CDK19: variants seen among roughly 807,000 people sequenced by gnomAD.
CDK19 encodes cyclin dependent kinase 19, also known as cyclin-dependent kinase 19.
In CDK19, 20 loss-of-function variants were observed where a neutral mutation model predicts 68.3. The ratio of observed to expected loss-of-function variants is 0.29; its 90% CI spans 0.21 to 0.43. The LOEUF (loss-of-function observed/expected upper bound fraction) is 0.43, where lower values mean the gene tolerates loss of function less well. Among genes scored for constraint, CDK19 ranks in the 20% least tolerant of loss-of-function variants. The probability of loss-of-function intolerance (pLI) is 1.00; values close to 1 mark genes in which losing one functional copy is unlikely to be tolerated. For missense variants in CDK19, 339 were observed against 623.5 expected (o/e 0.54, Z 4.86); for synonymous variants, 221 against 222.8 (o/e 0.99, Z 0.07).
At chr6:110,661,760 C>T (rs1415064298) in intron 4 of CDK19, among the ~76,000 whole-genome samples, 1 of 152,140 alleles carries the variant, frequency 6.6e-6, no homozygotes, top group African/African-American at 2.4e-5. Context: ...ATTTTAATAG[C>T]TGTTAATTAA....
At chr6:110,623,869 G>T (rs1364053615) in intron 8 of CDK19, among the ~76,000 whole-genome samples, 3 of 114,624 alleles carry the variant, frequency 2.6e-5, no homozygotes, top group African/African-American at 3.6e-5. Context: ...TACATATATA[G>T]TATATATACG....
chr6:110,661,412 G>C (rs1409299132), intron 4 of CDK19, among the ~76,000 whole-genome samples: 3 of 151,916 alleles, frequency 2.0e-5, no homozygotes, highest in Admixed American at 6.6e-5. Context: ...ACTTTCCTCT[G>C]CAACTAGAAT....
intron 6 of CDK19, among the ~76,000 whole-genome samples, chr6:110,629,878 G>C (rs373163360): frequency 1.3e-5 from 2 of 151,894 alleles, no homozygotes; most frequent in Non-Finnish European, 2.9e-5. Flanking sequence ...ATCTTTAAGC[G>C]GTAAATTTCA....
At chr6:110,663,463 T>C (rs903100170) in intron 4 of CDK19, among the ~76,000 whole-genome samples, 12 of 152,206 alleles carry the variant, frequency 7.9e-5, no homozygotes, top group African/African-American at 2.7e-4. Context: ...GGCACAGATA[T>C]CAGGACTCAA....
intron 1 of CDK19, among the ~76,000 whole-genome samples, chr6:110,808,304 GATCACTGCAGAAAGTTCTATTGGAC>G (rs1211461140): frequency 5.9e-5 from 9 of 152,282 alleles, no homozygotes; most frequent in African/African-American, 1.9e-4. Flanking sequence ...AACATTTTCA[GATCACTGCAGAAAGTTCTATTGGAC>G]ATCACTGCTC....
intron 2 of CDK19, among the ~76,000 whole-genome samples, chr6:110,673,366 T>A (rs1771180741): frequency 6.6e-6 from 1 of 152,168 alleles, no homozygotes; most frequent in Admixed American, 6.5e-5. Flanking sequence ...ACATTTAGGG[T>A]GTTCTACCTT....
chr6:110,763,527 T>C (rs1779370954), intron 1 of CDK19, among the ~76,000 whole-genome samples: 1 of 151,020 alleles, frequency 6.6e-6, no homozygotes, highest in African/African-American at 2.4e-5. Context: ...GCAATTCTCC[T>C]GCCTCAGCCT....
At chr6:110,698,580 A>G (rs1773694924) in intron 2 of CDK19, among the ~76,000 whole-genome samples, 1 of 152,234 alleles carries the variant, frequency 6.6e-6, no homozygotes, top group Non-Finnish European at 1.5e-5. Flanking sequence ...TACAACCTCT[A>G]TGGAAAACAG....
chr6:110,727,863 T>G (rs903324639), intron 2 of CDK19, among the ~76,000 whole-genome samples: 3 of 151,872 alleles, frequency 2.0e-5, no homozygotes, highest in African/African-American at 7.2e-5. Flanking sequence ...GGTAAATCCC[T>G]ATTGTCCCAG....
rs554452196 is a variant in CDK19, at chr6:110,746,349, A to G, written c.129-148T>C. 2.1e-5 allele frequency: 10 copies of G among 480,020 alleles called. No individual in the cohort carries two copies. The South Asian group carries it at 2.8e-4, about 13-fold the overall frequency. The allele number at this position is 480,020 out of a possible 1,614,324, so 29.7% of individuals were successfully genotyped here. The stretch of plus-strand genomic sequence containing the variant: ...TGTATTGCTTATTATTTTTGATAAT[A>G]TTTCAACTACAGAAATATGAGATAC... On this transcript the variant is annotated intron_variant, in intron 1 of 12. Coordinates refer to ENST00000368911, the MANE Select transcript of CDK19 (RefSeq NM_015076.5).
chr6:110,627,964 C>T (rs1321421199), intron 6 of CDK19, among the ~76,000 whole-genome samples: 2 of 152,086 alleles, frequency 1.3e-5, no homozygotes, highest in Non-Finnish European at 2.9e-5. Context: ...ATTCCAAGTA[C>T]TTTGGGAGGC....
rs9386936 is a variant in CDK19, at chr6:110,675,181, C to T, written c.205-4640G>A. Among the ~76,000 whole-genome samples, 3,309 of 152,252 alleles carry T rather than the reference C, an allele frequency of 0.022. 368 individuals are homozygous for T. The East Asian group carries it at 0.36, about 16-fold the overall frequency. ...AGAGAATTCTATTGGAAACAGATTCCGTGTAGGACTTTCATAGCTAGAGAG... is the reference window on the plus strand; with the variant it reads ...AGAGAATTCTATTGGAAACAGATTCTGTGTAGGACTTTCATAGCTAGAGAG... On this transcript the variant is annotated intron_variant, in intron 2 of 12. Coordinates refer to ENST00000368911, the MANE Select transcript of CDK19 (RefSeq NM_015076.5).
At chr6:110,765,527 A>G (rs1779523291) in intron 1 of CDK19, among the ~76,000 whole-genome samples, 1 of 151,936 alleles carries the variant, frequency 6.6e-6, no homozygotes, top group Non-Finnish European at 1.5e-5. Flanking sequence ...TAAAAATACA[A>G]AAACTTAGCT....
intron 1 of CDK19, among the ~76,000 whole-genome samples, chr6:110,785,039 C>T (rs1781101240): frequency 8.4e-6 from 1 of 118,686 alleles, no homozygotes; most frequent in Non-Finnish European, 1.6e-5. Context: ...GATAATTATA[C>T]AATCCTGTGC....
intron 1 of CDK19, among the ~76,000 whole-genome samples, chr6:110,806,177 T>C (rs1782667897): frequency 6.6e-6 from 1 of 151,594 alleles, no homozygotes; most frequent in Non-Finnish European, 1.5e-5. Context: ...CCGTTTCTAC[T>C]AAAAAATACA....
rs543099598 is a variant in CDK19, at chr6:110,673,362, A to G, written c.205-2821T>C. 8.5e-5 allele frequency among the ~76,000 whole-genome samples: 13 copies of G among 152,278 alleles called. No individual in the cohort carries two copies. The South Asian group carries it at 2.1e-3, about 24-fold the overall frequency. On this transcript the variant is annotated intron_variant, in intron 2 of 12. Transcript: ENST00000368911. ...TCCATTTGCCCCTCAACAGACATTTAGGGTGTTCTACCTTTTGGTTATTAT... is the reference window on the plus strand; with the variant it reads ...TCCATTTGCCCCTCAACAGACATTTGGGGTGTTCTACCTTTTGGTTATTAT...
intron 1 of CDK19, among the ~76,000 whole-genome samples, chr6:110,779,644 G>A (rs1296514767): frequency 6.6e-6 from 1 of 152,168 alleles, no homozygotes. Flanking sequence ...GGCTGGGCAC[G>A]GTGCCTCACG....
rs118084121 is a variant in CDK19, at chr6:110,684,608, G to C, written c.205-14067C>G. 3.1e-3 allele frequency among the ~76,000 whole-genome samples: 474 copies of C among 152,156 alleles called. 2 individuals carry two copies. Among genetic ancestry groups the C allele is most frequent in the Admixed American group, 0.013 (199 of 15,268 alleles). ...TTCTTAACATCTTACCCATGGACCT[G>C]AGCTTTAGCTGCTCCTTCTATGGAG... is the stretch of plus-strand genomic sequence containing the variant. On this transcript the variant is annotated intron_variant, in intron 2 of 12. Transcript: ENST00000368911.
intron 1 of CDK19, among the ~76,000 whole-genome samples, chr6:110,794,439 G>C (rs1406681127): frequency 7.6e-6 from 1 of 132,224 alleles, no homozygotes; most frequent in Non-Finnish European, 1.6e-5. Context: ...GTCTCACTCT[G>C]TCACCAGGCT....
Sources: gnomAD v4.1 joint callset for allele counts (sites outside exome capture counted in the v4.1 genomes callset) on GRCh38, gnomAD v4.1.1 for gene constraint, MANE v1.5 for transcripts, NCBI Gene and HGNC (gene_info 2026-07-23, HGNC 2026-07-21) for gene names.